The following MAML1 variants were observed in gnomAD, a reference collection of about 807,000 sequenced individuals.
MAML1 encodes mastermind like transcriptional coactivator 1.
In MAML1, 14 loss-of-function variants were observed where a neutral mutation model predicts 77.1. The ratio of observed to expected loss-of-function variants is 0.18; its 90% confidence interval spans 0.12 to 0.28. MAML1 has a LOEUF of 0.28. MAML1 is among the 10% of genes least tolerant of loss of function. The pLI is 1.00. For missense variants in MAML1, 1,217 were observed against 1,327.8 expected (o/e 0.92, Z 1.30); for synonymous variants, 516 against 551.9 (o/e 0.93, Z 0.91).
At chr5:179,773,375 A>G (rs757003339) in intron 4 of MAML1, among the ~76,000 whole-genome samples, 39 of 152,208 alleles carry the variant, frequency 2.6e-4, no homozygotes, top group Non-Finnish European at 4.6e-4. Flanking sequence ...TTTTTCCCCA[A>G]ACTGTTAAAT....
chr5:179,768,303 C>G (rs528899155), intron 2 of MAML1, among the ~76,000 whole-genome samples: 1 of 152,232 alleles, frequency 6.6e-6, no homozygotes, highest in East Asian at 1.9e-4. Flanking sequence ...ACTAAAAATA[C>G]AAAATTAGCC....
intron 1 of MAML1, among the ~76,000 whole-genome samples, chr5:179,747,808 C>CAAAA (rs71001044): frequency 0.68 from 27,974 of 40,848 alleles, 10,712 homozygotes; most frequent in South Asian, 0.85. Flanking sequence ...GACTCCATCT[C>CAAAA]AAAAAAAAAA....
rs1779796852 is a variant in MAML1, at chr5:179,765,363, C to G, written c.353C>G (p.Ala118Gly). The G allele has an allele frequency of 6.2e-7, 1 of 1,609,748 alleles. No individual in the cohort carries two copies. The highest frequency in any genetic ancestry group is 8.5e-7 in the Non-Finnish European group (1 of 1,178,608). ...ACAGTTAAGAGGAATCTTGACAGCG[C>G]CACTTCCCCTCAGAATGGCGATCAA... ...HDTVKRNLDSATSPQNGDQQN... is the reference protein window; with the variant it reads ...HDTVKRNLDSGTSPQNGDQQN... The change falls in exon 2 of 5, where the codon GCC becomes GGC. Residue 118 changes from alanine to glycine, a missense_variant. Around this residue, in one of 3 missense-constraint regions of MAML1, gnomAD observed 312 missense variants for 331.4 expected, o/e 0.94. Coordinates refer to ENST00000292599, the MANE Select transcript of MAML1 (RefSeq NM_014757.5).
intron 2 of MAML1, 36 bp from the exon 3 acceptor site, chr5:179,768,814 C>T: frequency 3.7e-6 from 6 of 1,611,558 alleles, no homozygotes; most frequent in Non-Finnish European, 5.1e-6. Flanking sequence ...CTGATCAGAG[C>T]TTAGAGACTT....
chr5:179,763,557 T>C (rs1478661577), intron 1 of MAML1, among the ~76,000 whole-genome samples: 3 of 152,096 alleles, frequency 2.0e-5, no homozygotes, highest in Non-Finnish European at 4.4e-5. Context: ...GCTTTAACAG[T>C]TAAGAAATAA....
chr5:179,762,080 C>G (rs774462539), intron 1 of MAML1, among the ~76,000 whole-genome samples: 2 of 152,172 alleles, frequency 1.3e-5, no homozygotes, highest in Non-Finnish European at 2.9e-5. Flanking sequence ...CATGAAAGAA[C>G]CACGCGTGTC....
chr5:179,763,649 C>T (rs768906118), intron 1 of MAML1, among the ~76,000 whole-genome samples: 4 of 152,114 alleles, frequency 2.6e-5, no homozygotes, highest in Non-Finnish European at 5.9e-5. Flanking sequence ...TCCCTGGTGT[C>T]CAGTGGGTAA....
intron 1 of MAML1, among the ~76,000 whole-genome samples, chr5:179,753,654 A>ATTATTATTATTTTTTT (rs1554150374): frequency 3.4e-5 from 3 of 88,850 alleles, no homozygotes; most frequent in African/African-American, 1.1e-4. Context: ...TATTATTATT[A>ATTATTATTATTTTTTT]TTTTTTTTTT....
At chr5:179,749,514 G>A (rs974131133) in intron 1 of MAML1, among the ~76,000 whole-genome samples, 3 of 152,130 alleles carry the variant, frequency 2.0e-5, no homozygotes, top group African/African-American at 7.2e-5. Flanking sequence ...ACTCATCTCG[G>A]CTTCCCAAAG....
chr5:179,758,150 A>G (rs1361589141), intron 1 of MAML1, among the ~76,000 whole-genome samples: 1 of 152,232 alleles, frequency 6.6e-6, no homozygotes, highest in Non-Finnish European at 1.5e-5. Flanking sequence ...TTTAGGCACC[A>G]AACTACAGAG....
intron 1 of MAML1, among the ~76,000 whole-genome samples, chr5:179,746,923 G>C (rs1472059133): frequency 6.6e-6 from 1 of 152,182 alleles, no homozygotes; most frequent in Non-Finnish European, 1.5e-5. Context: ...TATTCTTTCA[G>C]TTAAGAGGTA....
chr5:179,755,296 C>A (rs1581935697), intron 1 of MAML1, among the ~76,000 whole-genome samples: 1 of 152,190 alleles, frequency 6.6e-6, no homozygotes, highest in East Asian at 1.9e-4. Context: ...AGACAAAGAA[C>A]AGAGTGACCT....
At chr5:179,746,339 C>T (rs957566033) in intron 1 of MAML1, among the ~76,000 whole-genome samples, 13 of 151,208 alleles carry the variant, frequency 8.6e-5, no homozygotes, top group African/African-American at 1.9e-4. Context: ...AGCGAGACTC[C>T]GTCTCAAAAA....
chr5:179,744,399 C>T (rs1406056221), intron 1 of MAML1, among the ~76,000 whole-genome samples: 2 of 152,122 alleles, frequency 1.3e-5, no homozygotes, highest in African/African-American at 4.8e-5. Flanking sequence ...GTTGGCCAGG[C>T]TGGTCTTGAA....
chr5:179,766,002 C>G lies in MAML1; in HGVS notation c.992C>G (p.Ser331Cys), dbSNP rs1220714115. The G allele has an allele frequency of 1.2e-6, 2 of 1,608,372 alleles. No homozygotes were observed. Among genetic ancestry groups the G allele is most frequent in the South Asian group, 1.1e-5 (1 of 90,368 alleles). The change falls in exon 2 of 5, where the codon TCT (serine) becomes TGT (cysteine). Residue 331 changes from serine (S) to cysteine (C), a missense_variant. Physicochemically the swap from Ser to Cys is moderately radical, Grantham distance 112. Transcript: ENST00000292599. This position sits in a 1 kb window ranked among gnomAD's most constrained non-coding sequence, Gnocchi z 4.0. ...GGGCAGACCTTTCTGGGGCCTTCCT[C>G]TGCCCCTGTGAGTACAGATTCCCCC... ...SAGQTFLGPS[S>C]APVSTDSPSL...
At chr5:179,741,513 C>T (rs932624598) in intron 1 of MAML1, among the ~76,000 whole-genome samples, 2 of 151,878 alleles carry the variant, frequency 1.3e-5, no homozygotes, top group African/African-American at 2.4e-5. Flanking sequence ...GGTGAAACCC[C>T]GTCTCTGGTA....
chr5:179,762,835 T>TC (rs1317124697), intron 1 of MAML1, among the ~76,000 whole-genome samples: 2 of 152,168 alleles, frequency 1.3e-5, no homozygotes, highest in African/African-American at 4.8e-5. Flanking sequence ...CACACTCCTA[T>TC]CCCCGTCTAC....
At position 179,766,085 on chromosome 5, in the gene MAML1, C is replaced by G. The variant is rs1442691035; in HGVS notation, c.1075C>G (p.Pro359Ala). Residue 359 changes from proline (P) to alanine (A), a missense_variant, in exon 2 of 5, where the codon CCC (proline) becomes GCC (alanine). Pro to Ala is a conservative substitution (Grantham distance 27, BLOSUM62 -1). Coordinates refer to ENST00000292599, the MANE Select transcript of MAML1 (RefSeq NM_014757.5). The surrounding 1 kb of genome is among the most constrained non-coding windows in gnomAD (Gnocchi z 4.0). ...CTCTGGTCAGCCCCGGGCGGACAAT[C>G]CCAGTCCAAACCTGATGCCGGCATC... ...HTSGQPRADNPSPNLMPASAQ... is the reference protein window; with the variant it reads ...HTSGQPRADNASPNLMPASAQ... The G allele has an allele frequency of 1.3e-6, 2 of 1,585,948 alleles. No homozygotes were observed. The highest frequency in any genetic ancestry group is 3.6e-5 in the Admixed American group (2 of 55,404).
chr5:179,753,218 TGTGTGCGCGCGC>T (rs1390304076), intron 1 of MAML1, among the ~76,000 whole-genome samples: 4 of 64,036 alleles, frequency 6.2e-5, no homozygotes, highest in Admixed American at 1.6e-4. Context: ...TGTGTGTGTG[TGTGTGCGCGCGC>T]GCGCGCGCGT....
Sources: gnomAD v4.1 joint callset for allele counts (sites outside exome capture counted in the v4.1 genomes callset) on GRCh38, gnomAD v4.1.1 for gene constraint, gnomAD v4.1.1 regional missense constraint, Gnocchi (gnomAD v3.1) non-coding constraint, MANE v1.5 for transcripts, NCBI Gene and HGNC (gene_info 2026-07-23, HGNC 2026-07-21) for gene names.